NAALADL2: variants seen among roughly 807,000 people sequenced by gnomAD.
NAALADL2 encodes inactive N-acetylated-alpha-linked acidic dipeptidase-like protein 2.
In NAALADL2, 76 loss-of-function variants were observed where a neutral mutation model predicts 87.2. That is an observed-to-expected ratio of 0.87 (90% CI 0.72 to 1.05). NAALADL2 has a LOEUF of 1.05. Among genes scored for constraint, NAALADL2 ranks in the 50% least tolerant of loss-of-function variants. The probability of loss-of-function intolerance (pLI) is 0.00; values close to 1 mark genes in which losing one functional copy is unlikely to be tolerated. For synonymous variants in NAALADL2, 354 were observed against 331.0 expected (o/e 1.07, Z -0.75); for missense variants, 1,089 against 945.8 (o/e 1.15, Z -1.99).
intron 11 of NAALADL2, among the ~76,000 whole-genome samples, chr3:175,656,136 T>C (rs1372673285): frequency 6.6e-6 from 1 of 152,210 alleles, no homozygotes; most frequent in Non-Finnish European, 1.5e-5. Context: ...AACCATGCAT[T>C]ATGCTATGCC....
intron 9 of NAALADL2, among the ~76,000 whole-genome samples, chr3:175,507,710 C>A (rs1326872053): frequency 1.3e-5 from 2 of 152,184 alleles, no homozygotes; most frequent in African/African-American, 4.8e-5. Context: ...AGGCGTGAGC[C>A]ACTGTGCCTG....
chr3:175,502,850 A>G (rs1202394916), intron 9 of NAALADL2, among the ~76,000 whole-genome samples: 1 of 152,036 alleles, frequency 6.6e-6, no homozygotes, highest in Non-Finnish European at 1.5e-5. Flanking sequence ...AATCTCACCC[A>G]TACAGAAGTT....
At chr3:175,109,582 G>T (rs1413871478) in intron 2 of NAALADL2, among the ~76,000 whole-genome samples, 1 of 151,568 alleles carries the variant, frequency 6.6e-6, no homozygotes, top group Non-Finnish European at 1.5e-5. Context: ...AAAGAGGGAA[G>T]GAATATAGTT....
intron 1 of NAALADL2, among the ~76,000 whole-genome samples, chr3:174,985,314 T>A (rs1265860291): frequency 6.6e-6 from 1 of 152,234 alleles, no homozygotes; most frequent in African/African-American, 2.4e-5. Context: ...TTAGAAGTGA[T>A]TCACAGATGT....
At chr3:175,686,253 C>T (rs1167720845) in intron 11 of NAALADL2, among the ~76,000 whole-genome samples, 1 of 152,134 alleles carries the variant, frequency 6.6e-6, no homozygotes, top group Non-Finnish European at 1.5e-5. Context: ...TATGTACATT[C>T]TTTAATTGTG....
At chr3:175,535,845 G>A (rs75649340) in intron 9 of NAALADL2, among the ~76,000 whole-genome samples, 6,844 of 152,268 alleles carry the variant, frequency 0.045, 189 homozygotes, top group Non-Finnish European at 0.069. Flanking sequence ...ATAACTACCT[G>A]TAAACGGGTG....
rs143197843 is a variant in NAALADL2, at chr3:174,992,456, T to C, written c.44-104334T>C. Among the ~76,000 whole-genome samples the C allele has an allele frequency of 7.6e-3, 1,154 of 152,226 alleles. 8 individuals carry two copies. The highest frequency in any genetic ancestry group is 0.013 in the Non-Finnish European group (851 of 67,966). Reference sequence around the variant, plus strand: ...TTCTTTTGTGAGGGTATAGATAATATCTATTATTAGGTAAGATGTTCTTTT... The same window carrying C: ...TTCTTTTGTGAGGGTATAGATAATACCTATTATTAGGTAAGATGTTCTTTT... On this transcript the variant is annotated intron_variant, in intron 1 of 13. Coordinates refer to ENST00000454872, the MANE Select transcript of NAALADL2 (RefSeq NM_207015.3).
chr3:175,554,398 CATT>C (rs1259259686), intron 9 of NAALADL2, among the ~76,000 whole-genome samples: 2 of 152,032 alleles, frequency 1.3e-5, no homozygotes, highest in Non-Finnish European at 2.9e-5. Flanking sequence ...CCTTTATAAT[CATT>C]ATCTTTAATA....
At chr3:175,529,711 C>A (rs1256981872) in intron 9 of NAALADL2, among the ~76,000 whole-genome samples, 5 of 152,190 alleles carry the variant, frequency 3.3e-5, no homozygotes. Flanking sequence ...TGCTGCACTT[C>A]TTTAGCCGTA....
intron 9 of NAALADL2, among the ~76,000 whole-genome samples, chr3:175,535,594 G>A (rs1273753977): frequency 3.9e-5 from 6 of 152,132 alleles, no homozygotes; most frequent in South Asian, 2.1e-4. Flanking sequence ...GTTCTATTGA[G>A]TGTCCATCCA....
intron 13 of NAALADL2, among the ~76,000 whole-genome samples, chr3:175,793,307 CTTT>C (rs66905230): frequency 8.6e-6 from 1 of 116,914 alleles, no homozygotes. Flanking sequence ...CATTTTCTTT[CTTT>C]TTTTTTTTTT....
At chr3:175,327,681 C>G (rs1481935770) in intron 5 of NAALADL2, among the ~76,000 whole-genome samples, 4 of 151,780 alleles carry the variant, frequency 2.6e-5, no homozygotes, top group African/African-American at 9.7e-5. Flanking sequence ...AGAGATTTAG[C>G]CTTTCAGGGG....
chr3:174,579,114 G>A (rs965533609), intron 2 of NAALADL2, among the ~76,000 whole-genome samples: 3 of 152,022 alleles, frequency 2.0e-5, no homozygotes, highest in Admixed American at 6.6e-5. Context: ...GTTGTTGATC[G>A]AAGGATAACA....
intron 5 of NAALADL2, among the ~76,000 whole-genome samples, chr3:175,324,837 G>A (rs1250420769): frequency 6.6e-6 from 1 of 152,162 alleles, no homozygotes; most frequent in Non-Finnish European, 1.5e-5. Context: ...CATTGTTTTG[G>A]CCAATCACTG....
chr3:174,800,430 A>C (rs1578983956), intron 3 of NAALADL2, among the ~76,000 whole-genome samples: 1 of 152,198 alleles, frequency 6.6e-6, no homozygotes, highest in East Asian at 1.9e-4. Context: ...CTGCAGGTGC[A>C]CAGAAGTCAC....
intron 1 of NAALADL2, among the ~76,000 whole-genome samples, chr3:174,937,997 G>C (rs1737953863): frequency 6.6e-6 from 1 of 151,956 alleles, no homozygotes; most frequent in African/African-American, 2.4e-5. Context: ...ATTGTGAAAA[G>C]TGGAAACATA....
intron 10 of NAALADL2, among the ~76,000 whole-genome samples, chr3:175,590,839 A>G (rs1343351498): frequency 6.6e-6 from 1 of 152,198 alleles, no homozygotes; most frequent in African/African-American, 2.4e-5. Flanking sequence ...TCAGGGTTTA[A>G]TGATTTCAAG....
At chr3:175,327,148 C>CTTTTTTTTTTTTTTTTTT (rs35198621) in intron 5 of NAALADL2, among the ~76,000 whole-genome samples, 1 of 99,514 alleles carries the variant, frequency 1.0e-5, no homozygotes, top group African/African-American at 4.2e-5. Context: ...GTCTACATTT[C>CTTTTTTTTTTTTTTTTTT]TTTTTTTTTT....
chr3:174,952,138 G>A (rs1740459872), intron 1 of NAALADL2, among the ~76,000 whole-genome samples: 1 of 152,110 alleles, frequency 6.6e-6, no homozygotes, highest in Non-Finnish European at 1.5e-5. Flanking sequence ...AGACCCGTCA[G>A]ATCCTAATTT....
Sources: gnomAD v4.1 joint callset for allele counts (sites outside exome capture counted in the v4.1 genomes callset) on GRCh38, gnomAD v4.1.1 for gene constraint, MANE v1.5 for transcripts, NCBI Gene and HGNC (gene_info 2026-07-23, HGNC 2026-07-21) for gene names.